Variants in SLC3A1 observed in about 807,000 individuals in gnomAD.
The protein encoded by SLC3A1 is amino acid transporter heavy chain SLC3A1.
In SLC3A1, 78 loss-of-function variants were observed where a neutral mutation model predicts 60.3. That is an observed-to-expected ratio of 1.29 (90% CI 1.08 to 1.56). The LOEUF is 1.56. Ranked by LOEUF, SLC3A1 falls within the 40% of genes most tolerant of loss-of-function variation. The probability of loss-of-function intolerance (pLI) is 0.00; values close to 1 mark genes in which losing one functional copy is unlikely to be tolerated. For synonymous variants in SLC3A1, 392 were observed against 307.9 expected, an observed-to-expected ratio of 1.27 and a Z score of -2.86; for missense variants, 1,172 against 858.9, an observed-to-expected ratio of 1.36 and a Z score of -4.56.
Position 44,312,681 on chromosome 2 carries a change from T to C in SLC3A1, c.1428T>C (p.Pro476=), listed in dbSNP as rs1672329273. 6.2e-7 allele frequency: 1 copy of C among 1,613,066 alleles called. No individual in the cohort carries two copies. The change falls in exon 8 of 10, where the codon CCT becomes CCC. Residue 476 remains proline, a synonymous_variant. Coordinates refer to ENST00000260649, the MANE Select transcript of SLC3A1 (RefSeq NM_000341.4). ...TTCTTTTCACACTCCCTGGAACTCCTATAACTTACTATGGAGAAGAAATTG... is the reference window on the plus strand; with the variant it reads ...TTCTTTTCACACTCCCTGGAACTCCCATAACTTACTATGGAGAAGAAATTG... ...NMLLFTLPGT[P]ITYYGEEIGM...
At chr2:44,284,228 C>T (rs1671561191) in intron 3 of SLC3A1, among the ~76,000 whole-genome samples, 1 of 152,130 alleles carries the variant, frequency 6.6e-6, no homozygotes, top group South Asian at 2.1e-4. Context: ...TACAGGCACC[C>T]ATCACCATGC....
chr2:44,321,684 C>T (rs1672967215), downstream of SLC3A1: 2 of 1,557,900 alleles, frequency 1.3e-6, no homozygotes, highest in South Asian at 2.4e-5. Flanking sequence ...ACACAGTGTC[C>T]CTCCCTCCCC....
intron 6 of SLC3A1, among the ~76,000 whole-genome samples, chr2:44,302,376 CATT>C (rs762259400): frequency 6.6e-6 from 1 of 152,192 alleles, no homozygotes; most frequent in Admixed American, 6.5e-5. Context: ...AATTACCCAT[CATT>C]AAGTTTACAT....
At chr2:44,317,907 A>C (rs1009002738) in intron 9 of SLC3A1, 1 of 237,708 alleles carries the variant, frequency 4.2e-6, no homozygotes, top group Non-Finnish European at 8.5e-6. Flanking sequence ...AAAAACAGAC[A>C]TAAGAAACAC....
rs1049553527 is a variant in SLC3A1 at position 44,304,032 on chromosome 2, A to G, written c.1137-111A>G. On this transcript the variant is annotated intron_variant, in intron 6 of 9. Transcript: ENST00000260649. ...AGAAGGTGCTAGTCCTATATGGTTA[A>G]TAGTGTGCATTCAGCCCCTACATCT... is the stretch of plus-strand genomic sequence containing the variant. The G allele has an allele frequency of 2.5e-5, 21 of 832,422 alleles. No individual in the cohort carries two copies. The Admixed American group carries it at 3.6e-4, about 14-fold the overall frequency. The allele number at this position is 832,422 out of a possible 1,614,324, so 51.6% of individuals were successfully genotyped here.
rs757475421 is a variant in SLC3A1, at chr2:44,321,447, T to C, written c.*808T>C. ...CAGGAATTTAATTTGGGCTGTAATC[T>C]AAAAGAAACACATTAAAAAAATTAA... On this transcript the variant is annotated 3_prime_UTR_variant, in exon 10 of 10. Transcript: ENST00000260649. 1 of 1,611,136 alleles carries C rather than the reference T, an allele frequency of 6.2e-7. No homozygotes were observed. Among genetic ancestry groups the C allele is most frequent in the Non-Finnish European group, 8.5e-7 (1 of 1,177,764 alleles).
intron 4 of SLC3A1, among the ~76,000 whole-genome samples, chr2:44,296,722 A>G (rs1433263167): frequency 6.6e-6 from 1 of 152,182 alleles, no homozygotes; most frequent in Non-Finnish European, 1.5e-5. Flanking sequence ...TTCAAGTCAA[A>G]CAAGTTGATA....
chr2:44,304,031 AAT>A (rs2104369627), intron 6 of SLC3A1, 110 bp from the exon 7 acceptor site: 2 of 830,036 alleles, frequency 2.4e-6, no homozygotes, highest in East Asian at 2.4e-5. Context: ...CTATATGGTT[AAT>A]AGTGTGCATT....
intron 9 of SLC3A1, among the ~76,000 whole-genome samples, chr2:44,315,653 C>CAAAAAA (rs70965350): frequency 3.8e-5 from 2 of 52,612 alleles, no homozygotes. Flanking sequence ...AAGACCGCCT[C>CAAAAAA]AAAAAAAAAA....
intron 3 of SLC3A1, among the ~76,000 whole-genome samples, chr2:44,283,235 G>A (rs1264803724): frequency 6.6e-6 from 1 of 152,184 alleles, no homozygotes; most frequent in African/African-American, 2.4e-5. Flanking sequence ...TTTGTGATGT[G>A]TGATTTTCTC....
chr2:44,321,161 G>A lies in SLC3A1; in HGVS notation c.*522G>A, dbSNP rs1672906832. On this transcript the variant is annotated 3_prime_UTR_variant, in exon 10 of 10. Transcript: ENST00000260649. Reference sequence around the variant, plus strand: ...TTGAAAATTACTTTCCTAGGTTAATGGGCATGTGCATCAATGGAGAGAATA... The same window carrying A: ...TTGAAAATTACTTTCCTAGGTTAATAGGCATGTGCATCAATGGAGAGAATA... The A allele has an allele frequency of 4.0e-5, 23 of 568,662 alleles. No individual in the cohort carries two copies. In the South Asian group the frequency reaches 4.9e-4, roughly 12 times the overall value. The allele number at this position is 568,662 out of a possible 1,614,324, so 35.2% of individuals were successfully genotyped here.
chr2:44,297,054 T>A (rs980490270), intron 4 of SLC3A1, among the ~76,000 whole-genome samples: 2 of 152,206 alleles, frequency 1.3e-5, no homozygotes, highest in East Asian at 3.8e-4. Context: ...ATTAGCAGCA[T>A]GAGAACAAAC....
chr2:44,301,148 T>G, intron 6 of SLC3A1, 21 bp downstream of exon 6: 1 of 1,614,136 alleles, frequency 6.2e-7, no homozygotes, highest in African/African-American at 1.3e-5. Flanking sequence ...GCATATGCTC[T>G]CATTTCTTCC....
Position 44,286,085 on chromosome 2 carries a change from T to G in SLC3A1, c.819T>G (p.Cys273Trp), listed in dbSNP as rs1484597580. 6.2e-7 allele frequency: 1 copy of G among 1,613,940 alleles called. No individual in the cohort carries two copies. Among genetic ancestry groups the G allele is most frequent in the African/African-American group, 1.3e-5 (1 of 74,930 alleles). Reference sequence around the variant, plus strand: ...ACTTTGACGAAGTGCGAAACCAATGTTATTTTCATCAGTTTATGAAAGAGC... The same window carrying G: ...ACTTTGACGAAGTGCGAAACCAATGGTATTTTCATCAGTTTATGAAAGAGC... ...SWHFDEVRNQ[C>W]YFHQFMKEQP... is the part of the protein sequence containing the mutation. The change falls in exon 4 of 10, where the codon TGT becomes TGG. Residue 273 changes from cysteine to tryptophan, a missense_variant. Cys to Trp is a radical substitution (Grantham distance 215). Coordinates refer to ENST00000260649, the MANE Select transcript of SLC3A1 (RefSeq NM_000341.4).
chr2:44,311,179 T>G (rs902637115), intron 7 of SLC3A1, among the ~76,000 whole-genome samples: 1 of 152,214 alleles, frequency 6.6e-6, no homozygotes, highest in Non-Finnish European at 1.5e-5. Flanking sequence ...TAGTTCAAAT[T>G]TGTCAAGTCC....
At chr2:44,311,234 A>G (rs1216939363) in intron 7 of SLC3A1, among the ~76,000 whole-genome samples, 2 of 152,166 alleles carry the variant, frequency 1.3e-5, no homozygotes, top group African/African-American at 4.8e-5. Flanking sequence ...TTTAACTCTA[A>G]CAGTTTTATT....
chr2:44,311,743 C>G (rs529733493), intron 7 of SLC3A1, among the ~76,000 whole-genome samples: 14 of 150,962 alleles, frequency 9.3e-5, no homozygotes, highest in Non-Finnish European at 4.4e-5. Context: ...AAAACCCAAC[C>G]TCCTATTTCT....
intron 7 of SLC3A1, 134 bp downstream of exon 7, chr2:44,304,472 G>C (rs112808315): frequency 1.3e-6 from 1 of 742,864 alleles, no homozygotes; most frequent in African/African-American, 1.7e-5. Context: ...TCAGTGGTCA[G>C]GCCTGTCACA....
At chr2:44,298,100 G>C (rs79020527) in intron 4 of SLC3A1, among the ~76,000 whole-genome samples, 3,971 of 152,262 alleles carry the variant, frequency 0.026, 71 homozygotes, top group Non-Finnish European at 0.038. Flanking sequence ...ACCTATGCGT[G>C]AAATTGCTGG....
Sources: allele counts gnomAD v4.1 joint callset (sites outside exome capture counted in the v4.1 genomes callset), GRCh38; gene constraint gnomAD v4.1.1; transcripts MANE v1.5; gene names NCBI Gene and HGNC (gene_info 2026-07-23, HGNC 2026-07-21).